The following ZNF442 variants were observed in gnomAD, a reference collection of about 807,000 sequenced individuals.
ZNF442 encodes zinc finger protein 442.
ZNF442 carries 45 observed loss-of-function variants against 57.0 expected under a neutral mutation model. The ratio of observed to expected loss-of-function variants is 0.79; its 90% CI spans 0.62 to 1.01. The LOEUF is 1.01. ZNF442 is among the 50% of genes least tolerant of loss of function. The pLI is 0.00. For synonymous variants in ZNF442, 213 were observed against 241.8 expected (o/e 0.88, Z 1.10); for missense variants, 690 against 756.5 (o/e 0.91, Z 1.03).
upstream of ZNF442, among the ~76,000 whole-genome samples, chr19:12,368,133 C>T (rs114045333): frequency 0.047 from 7,169 of 152,206 alleles, 575 homozygotes; most frequent in African/African-American, 0.16. Flanking sequence ...CCCAGAAAAT[C>T]GCTGTTATTC....
intron 3 of ZNF442, among the ~76,000 whole-genome samples, chr19:12,356,726 C>T (rs909255472): frequency 6.6e-6 from 1 of 151,568 alleles, no homozygotes; most frequent in Non-Finnish European, 1.5e-5. Context: ...AGATGAAAGA[C>T]CACAAAGAAA....
In ZNF442 at chr19:12,350,299, C is replaced by T. The variant is rs760633931; in HGVS notation, c.1286G>A (p.Gly429Asp). Residue 429 changes from glycine to aspartate, a missense_variant, in exon 6 of 6, where the codon GGT becomes GAT. Gly to Asp is a moderately conservative substitution (Grantham distance 94). Transcript: ENST00000242804. ...TTCTTTACATTCATAGGGTTTCTCA[C>T]CAGTATGAGTCCTTTCATGTCCTTG... Reference protein sequence around the residue: ...VFQGHERTHTGEKPYECKECG... With the variant: ...VFQGHERTHTDEKPYECKECG... 6.2e-7 allele frequency: 1 copy of T among 1,613,736 alleles called. No individual in the cohort carries two copies. The highest frequency in any genetic ancestry group is 8.5e-7 in the Non-Finnish European group (1 of 1,179,992).
chr19:12,353,105 C>T lies in ZNF442; in HGVS notation c.88G>A (p.Ala30Thr). 6.2e-7 allele frequency: 1 copy of T among 1,610,068 alleles called. No homozygotes were observed. Among genetic ancestry groups the T allele is most frequent in the East Asian group, 2.2e-5 (1 of 44,824 alleles). The stretch of plus-strand genomic sequence containing the variant: ...AAGTTCACCGCCACATCCTCAAAGG[C>T]TACTGAATCCTGAAACACCCCACAT... ...NEERKQYDSVAFEDVAVNFTQ... is the reference protein window; with the variant it reads ...NEERKQYDSVTFEDVAVNFTQ... Residue 30 changes from alanine to threonine, a missense_variant, in exon 4 of 6, where the codon GCC becomes ACC. Physicochemically the swap from Ala to Thr is moderately conservative, Grantham distance 58. Transcript: ENST00000242804.
In ZNF442 at chr19:12,350,786, A is replaced by G. The variant is rs1345963219; in HGVS notation, c.799T>C (p.Cys267Arg). 6.2e-7 allele frequency: 1 copy of G among 1,614,148 alleles called. No individual in the cohort carries two copies. The highest frequency in any genetic ancestry group is 1.7e-5 in the Admixed American group (1 of 60,012). Residue 267 changes from cysteine to arginine, a missense_variant, in exon 6 of 6, where the codon TGC becomes CGC. Coordinates refer to ENST00000242804, the MANE Select transcript of ZNF442 (RefSeq NM_030824.3). ...GGGAAGGCTTTGGAACAGTGCTTGC[A>G]TTCATATGGTTTCTCCCCAGTGTGT... ...RTHTGEKPYECKHCSKAFPDY... is the reference protein window; with the variant it reads ...RTHTGEKPYERKHCSKAFPDY...
chr19:12,350,368 T>C lies in ZNF442; in HGVS notation c.1217A>G (p.Lys406Arg), dbSNP rs766913619. Residue 406 changes from lysine (K) to arginine (R), a missense_variant, in exon 6 of 6, where the codon AAA (lysine) becomes AGA (arginine). By Grantham distance (26) the Lys-to-Arg change is conservative. Transcript: ENST00000242804. ...MIMHTGDGPHKCKVCGKAFIY... is the reference protein window; with the variant it reads ...MIMHTGDGPHRCKVCGKAFIY... ...GAAGGCTTTCCCACATACCTTGCAT[T>C]TGTGAGGTCCATCTCCAGTGTGCAT... The C allele has an allele frequency of 6.2e-7, 1 of 1,613,918 alleles. No homozygotes were observed. Among genetic ancestry groups the C allele is most frequent in the East Asian group, 2.2e-5 (1 of 44,866 alleles).
At chr19:12,357,811 T>C (rs1282852664) in intron 3 of ZNF442, among the ~76,000 whole-genome samples, 2 of 152,124 alleles carry the variant, frequency 1.3e-5, no homozygotes, top group Non-Finnish European at 2.9e-5. Context: ...GAGCCTTCGG[T>C]GCATCCATCA....
intron 5 of ZNF442, 89 bp downstream of exon 5, chr19:12,351,921 G>T: frequency 8.2e-7 from 1 of 1,212,628 alleles, no homozygotes; most frequent in Non-Finnish European, 1.2e-6. Flanking sequence ...TACTGGGCTC[G>T]TTCATTTTCT....
intron 1 of ZNF442, 27 bp downstream of exon 1, chr19:12,365,506 C>T: frequency 1.8e-6 from 1 of 560,264 alleles, no homozygotes. Context: ...TCGCCCTGCC[C>T]CAGGACGCCG....
chr19:12,370,972 C>CAAAA, the ZNF442 span, among the ~76,000 whole-genome samples: 1 of 66,048 alleles, frequency 1.5e-5, no homozygotes, highest in African/African-American at 6.0e-5. Context: ...GACCCCATCT[C>CAAAA]AAAAAAAAAA....
chr19:12,359,426 T>A (rs1050864632), intron 3 of ZNF442, among the ~76,000 whole-genome samples: 2 of 152,060 alleles, frequency 1.3e-5, no homozygotes, highest in African/African-American at 4.8e-5. Context: ...ATTATGCCCC[T>A]CCCCCCTTCT....
chr19:12,359,934 C>T (rs575280953), intron 3 of ZNF442, among the ~76,000 whole-genome samples: 11 of 151,902 alleles, frequency 7.2e-5, no homozygotes, highest in African/African-American at 2.2e-4. Context: ...GCTGAGATCA[C>T]GCCACTGCAT....
chr19:12,348,426 T>C lies in ZNF442; in HGVS notation c.*1275A>G, dbSNP rs1438038415. 7 of 152,146 alleles carry C rather than the reference T, an allele frequency of 4.6e-5. No homozygotes were observed. The highest frequency in any genetic ancestry group is 2.9e-5 in the Non-Finnish European group (2 of 68,026). The allele number at this position is 152,146 out of a possible 1,614,324, so 9.4% of individuals were successfully genotyped here. A position where few individuals can be genotyped will look rare whatever the true frequency, so the allele number is the denominator to read the frequency against. The stretch of plus-strand genomic sequence containing the variant: ...AGATCCTTCAATGGAACAAAACCTC[T>C]GTGTCACCCAAGGGATAACATGCCA... On this transcript the variant is annotated 3_prime_UTR_variant, in exon 6 of 6. Transcript: ENST00000242804.
Position 12,348,145 on chromosome 19 carries a change from G to A in ZNF442, c.*1556C>T, listed in dbSNP as rs967413273. ...GGATCACCTGAGGTCAGGAGTTCGA[G>A]ACCAGCCTGACCAACATGGTGAAAC... On this transcript the variant is annotated 3_prime_UTR_variant, in exon 6 of 6. Transcript: ENST00000242804. 2.0e-5 allele frequency: 3 copies of A among 152,062 alleles called. No individual in the cohort carries two copies. The highest frequency in any genetic ancestry group is 4.4e-5 in the Non-Finnish European group (3 of 68,024). 9.4% of individuals were successfully genotyped at this position (152,062 alleles called of 1,614,324 possible). A position where few individuals can be genotyped will look rare whatever the true frequency, so the allele number is the denominator to read the frequency against.
chr19:12,357,191 A>C (rs1969344601), intron 3 of ZNF442, among the ~76,000 whole-genome samples: 1 of 151,848 alleles, frequency 6.6e-6, no homozygotes, highest in Non-Finnish European at 1.5e-5. Flanking sequence ...TCATTATTCC[A>C]ATTTGTTTAT....
chr19:12,360,054 T>A (rs568869956), intron 3 of ZNF442, among the ~76,000 whole-genome samples: 31 of 152,252 alleles, frequency 2.0e-4, no homozygotes, highest in Admixed American at 2.0e-4. Flanking sequence ...TGGTTGCTCT[T>A]CCCTTAGCAA....
rs1205410346 is a variant in ZNF442 at position 12,351,262 on chromosome 19, T to C, written c.323A>G (p.Glu108Gly). The part of the protein sequence containing the change: ...ESRQPDSTVN[E>G]KPPGVDPCKS... ...ACATGGATCTACTCCAGGAGGTTTT[T>C]CATTCACAGTACTATCTGGCTGGCG... Residue 108 changes from glutamate to glycine, a missense_variant, in exon 6 of 6, where the codon GAA (glutamate) becomes GGA (glycine). Physicochemically the swap from Glu to Gly is moderately conservative, Grantham distance 98. Transcript: ENST00000242804. 6.2e-7 allele frequency: 1 copy of C among 1,614,234 alleles called. No individual in the cohort carries two copies. The highest frequency in any genetic ancestry group is 8.5e-7 in the Non-Finnish European group (1 of 1,180,038).
upstream of ZNF442, among the ~76,000 whole-genome samples, chr19:12,367,517 T>C (rs773782007): frequency 1.3e-5 from 2 of 152,116 alleles, no homozygotes; most frequent in East Asian, 1.9e-4. Flanking sequence ...AGGCTGGAAC[T>C]TCCCAATCCT....
upstream of ZNF442, among the ~76,000 whole-genome samples, chr19:12,366,584 T>C (rs888554222): frequency 6.6e-6 from 1 of 152,204 alleles, no homozygotes; most frequent in Non-Finnish European, 1.5e-5. Flanking sequence ...GAACTTCCAC[T>C]CCCTTTCCTT....
At position 12,349,900 on chromosome 19, in the gene ZNF442, T is replaced by C. The variant is rs138589014; in HGVS notation, c.1685A>G (p.His562Arg). The C allele has an allele frequency of 7.3e-4, 1,172 of 1,614,196 alleles. 4 individuals are homozygous for C. The highest frequency in any genetic ancestry group is 8.9e-4 in the South Asian group (81 of 91,086). Residue 562 changes from histidine to arginine, a missense_variant, in exon 6 of 6, where the codon CAT becomes CGT. Physicochemically the swap from His to Arg is conservative, Grantham distance 29. Coordinates refer to ENST00000242804, the MANE Select transcript of ZNF442 (RefSeq NM_030824.3). ...TTTCTTTCCAGTGTGAATTCTTTCA[T>C]GTCGCAGAAGGCAAGTGAGCCAAGA... The part of the protein sequence containing the change: ...AFSWLTCLLR[H>R]ERIHTGKKSY...
Sources: gnomAD v4.1 joint callset for allele counts (sites outside exome capture counted in the v4.1 genomes callset) on GRCh38, gnomAD v4.1.1 for gene constraint, MANE v1.5 for transcripts, NCBI Gene and HGNC (gene_info 2026-07-23, HGNC 2026-07-21) for gene names.